Variants in KHDRBS2 observed in about 807,000 individuals in gnomAD.
KHDRBS2 encodes the protein KH domain-containing, RNA-binding, signal transduction-associated protein 2.
A neutral mutation model predicts 44.3 loss-of-function variants in KHDRBS2; 26 were observed. The observed-to-expected ratio is 0.59, with a 90% confidence interval of 0.43 to 0.81. The LOEUF (loss-of-function observed/expected upper bound fraction) is 0.81. Ranked by LOEUF, KHDRBS2 falls within the 40% of genes least tolerant of loss-of-function variation. The probability of loss-of-function intolerance (pLI) is 0.00; values close to 1 mark genes in which losing one functional copy is unlikely to be tolerated. For synonymous variants in KHDRBS2, 194 were observed against 151.1 expected (o/e 1.28, Z -2.08); for missense variants, 476 against 433.1 (o/e 1.10, Z -0.88).
At chr6:61,593,472 AG>A in the KHDRBS2 span, among the ~76,000 whole-genome samples, 4 of 64,430 alleles carry the variant, frequency 6.2e-5, no homozygotes, top group South Asian at 1.4e-3. Context: ...AATGTACTAT[AG>A]GTTTTTTTTT....
Position 62,248,012 on chromosome 6 carries a change from C to T in KHDRBS2, c.91+37846G>A, listed in dbSNP as rs114666113. On this transcript the variant is annotated intron_variant, in intron 1 of 8. Transcript: ENST00000281156. ...AGTAGAGCATTTCAAATCTCAGCCT[C>T]TAAATTATTTTTAGATAAGTTTGCT... is the stretch of plus-strand genomic sequence containing the variant. Among the ~76,000 whole-genome samples, 381 of 152,106 alleles carry T rather than the reference C, an allele frequency of 2.5e-3. 3 individuals are homozygous for T. Among genetic ancestry groups the T allele is most frequent in the African/African-American group, 8.4e-3 (350 of 41,534 alleles).
intron 3 of KHDRBS2, among the ~76,000 whole-genome samples, chr6:62,041,387 A>AGCAG (rs1203449736): frequency 6.6e-6 from 1 of 152,148 alleles, no homozygotes; most frequent in Non-Finnish European, 1.5e-5. Flanking sequence ...ACCTAAAATA[A>AGCAG]TAGACCATCC....
intron 2 of KHDRBS2, among the ~76,000 whole-genome samples, chr6:62,065,884 A>C (rs1475504859): frequency 6.6e-6 from 1 of 151,864 alleles, no homozygotes; most frequent in South Asian, 2.1e-4. Context: ...CAACACATAC[A>C]CAATTCATGT....
intron 2 of KHDRBS2, among the ~76,000 whole-genome samples, chr6:62,102,931 G>A (rs1015531283): frequency 1.3e-5 from 2 of 152,262 alleles, no homozygotes; most frequent in Admixed American, 1.3e-4. Context: ...GGTGAGCATG[G>A]CAGAGAGGAA....
intron 6 of KHDRBS2, among the ~76,000 whole-genome samples, chr6:61,854,378 A>G (rs1387687456): frequency 6.6e-6 from 1 of 152,142 alleles, no homozygotes; most frequent in Non-Finnish European, 1.5e-5. Flanking sequence ...TTATTAAAAT[A>G]ACTAAATGTA....
At chr6:62,052,782 A>T (rs911579204) in intron 2 of KHDRBS2, among the ~76,000 whole-genome samples, 1 of 151,992 alleles carries the variant, frequency 6.6e-6, no homozygotes, top group Non-Finnish European at 1.5e-5. Context: ...GCCAGGGTTG[A>T]TCTGACAGGA....
At chr6:61,668,509 C>G in the KHDRBS2 span, among the ~76,000 whole-genome samples, 2 of 151,042 alleles carry the variant, frequency 1.3e-5, no homozygotes, top group Admixed American at 1.3e-4. Context: ...CAGATGTATT[C>G]AGGAGTTGAA....
chr6:62,236,268 A>G (rs1364067834), intron 1 of KHDRBS2, among the ~76,000 whole-genome samples: 1 of 152,028 alleles, frequency 6.6e-6, no homozygotes, highest in Non-Finnish European at 1.5e-5. Context: ...GCTTTAGTGG[A>G]GAAAAACTCT....
chr6:61,805,170 C>T (rs1786950214), intron 6 of KHDRBS2, among the ~76,000 whole-genome samples: 1 of 152,064 alleles, frequency 6.6e-6, no homozygotes, highest in Non-Finnish European at 1.5e-5. Context: ...AAATTTTTTC[C>T]TCCAGATACC....
At chr6:61,747,092 A>T (rs990113264) in intron 6 of KHDRBS2, among the ~76,000 whole-genome samples, 4 of 152,084 alleles carry the variant, frequency 2.6e-5, no homozygotes, top group Non-Finnish European at 5.9e-5. Context: ...AGACATTTTT[A>T]AGAAGAAGAC....
chr6:61,936,114 C>CA (rs999199184), intron 4 of KHDRBS2, among the ~76,000 whole-genome samples: 2 of 151,986 alleles, frequency 1.3e-5, no homozygotes, highest in African/African-American at 4.8e-5. Flanking sequence ...AGTTTTTAGT[C>CA]AAAACTGTTC....
downstream of KHDRBS2, among the ~76,000 whole-genome samples, chr6:61,675,218 G>T (rs1363329191): frequency 6.6e-6 from 1 of 151,664 alleles, no homozygotes; most frequent in Non-Finnish European, 1.5e-5. Flanking sequence ...TAAAATACTA[G>T]TCTATATATT....
intron 7 of KHDRBS2, among the ~76,000 whole-genome samples, chr6:61,720,520 G>T (rs1772281638): frequency 6.6e-6 from 1 of 152,132 alleles, no homozygotes; most frequent in African/African-American, 2.4e-5. Context: ...GCATTTCTCT[G>T]ATGGCCAGTG....
chr6:62,249,317 C>T (rs1208306426), intron 1 of KHDRBS2, among the ~76,000 whole-genome samples: 1 of 151,910 alleles, frequency 6.6e-6, no homozygotes, highest in Non-Finnish European at 1.5e-5. Context: ...ATAAGCTTCC[C>T]TCAGTAGATT....
the KHDRBS2 span, among the ~76,000 whole-genome samples, chr6:61,624,198 A>T: frequency 6.6e-6 from 1 of 152,228 alleles, no homozygotes; most frequent in Non-Finnish European, 1.5e-5. Context: ...CGATTTGTCC[A>T]GTGACTTCAG....
intron 1 of KHDRBS2, among the ~76,000 whole-genome samples, chr6:62,216,987 C>T (rs1450245185): frequency 1.4e-5 from 2 of 147,464 alleles, no homozygotes; most frequent in African/African-American, 2.5e-5. Context: ...ATTTCCTGGC[C>T]TGAGAGTCTT....
chr6:61,743,595 T>C (rs1348825140), intron 6 of KHDRBS2, among the ~76,000 whole-genome samples: 1 of 152,128 alleles, frequency 6.6e-6, no homozygotes, highest in Non-Finnish European at 1.5e-5. Flanking sequence ...GTATTATATT[T>C]GTAAAAATCA....
chr6:61,611,853 G>T, the KHDRBS2 span, among the ~76,000 whole-genome samples: 9 of 152,134 alleles, frequency 5.9e-5, no homozygotes, highest in African/African-American at 2.2e-4. Flanking sequence ...CTAGTAGTCT[G>T]CCATACCCAG....
chr6:61,897,438 C>T (rs1562394422), intron 5 of KHDRBS2, among the ~76,000 whole-genome samples: 2 of 152,146 alleles, frequency 1.3e-5, no homozygotes, highest in Non-Finnish European at 2.9e-5. Flanking sequence ...AGATTATTTA[C>T]AAGAATAATT....
Sources: allele counts gnomAD v4.1 joint callset (sites outside exome capture counted in the v4.1 genomes callset), GRCh38; gene constraint gnomAD v4.1.1; transcripts MANE v1.5; gene names NCBI Gene and HGNC (gene_info 2026-07-23, HGNC 2026-07-21).